The following PTPRD variants were observed in gnomAD, a reference collection of about 807,000 sequenced individuals.
PTPRD encodes the protein receptor-type tyrosine-protein phosphatase delta.
PTPRD carries 34 observed loss-of-function variants against 214.5 expected under a neutral mutation model. The ratio of observed to expected loss-of-function variants is 0.16; its 90% CI spans 0.12 to 0.21. The LOEUF is 0.21. Among genes scored for constraint, PTPRD ranks in the 10% least tolerant of loss-of-function variants. The pLI, the probability that PTPRD is intolerant of heterozygous loss-of-function variation, is 1.00. For synonymous variants in PTPRD, 1,128 were observed against 845.7 expected (o/e 1.33, Z -5.79); for missense variants, 2,545 against 2,398.7 (o/e 1.06, Z -1.27).
chr9:9,308,878 C>A (rs1247188792), intron 9 of PTPRD, among the ~76,000 whole-genome samples: 2 of 151,850 alleles, frequency 1.3e-5, no homozygotes, highest in African/African-American at 2.4e-5. Context: ...CATTAGAGAC[C>A]CAAAATATCA....
intron 9 of PTPRD, among the ~76,000 whole-genome samples, chr9:9,258,295 T>TATTA (rs1232589718): frequency 6.6e-6 from 1 of 151,910 alleles, no homozygotes; most frequent in African/African-American, 2.4e-5. Context: ...GCAACAATAC[T>TATTA]ATTAAATTTG....
chr9:10,246,232 G>A (rs548953342), intron 3 of PTPRD, among the ~76,000 whole-genome samples: 98 of 152,016 alleles, frequency 6.4e-4, no homozygotes, highest in African/African-American at 2.2e-3. Context: ...GTACCAACTC[G>A]ATTGGCTATT....
intron 3 of PTPRD, among the ~76,000 whole-genome samples, chr9:10,239,679 G>A (rs1293038328): frequency 6.8e-6 from 1 of 146,640 alleles, no homozygotes; most frequent in Non-Finnish European, 1.5e-5. Context: ...TGACACTATA[G>A]GAAATATGAT....
chr9:9,966,679 G>C (rs976398914), intron 4 of PTPRD, among the ~76,000 whole-genome samples: 1 of 152,098 alleles, frequency 6.6e-6, no homozygotes, highest in Admixed American at 6.5e-5. Context: ...GGATTTGGGG[G>C]AAAGTCCATC....
At chr9:9,337,456 A>G (rs915891110) in intron 9 of PTPRD, among the ~76,000 whole-genome samples, 3 of 151,892 alleles carry the variant, frequency 2.0e-5, no homozygotes, top group African/African-American at 7.3e-5. Flanking sequence ...TGCCAAGAAC[A>G]CTCCCAGTTA....
intron 2 of PTPRD, among the ~76,000 whole-genome samples, chr9:10,467,158 A>C (rs1588850285): frequency 1.3e-5 from 2 of 152,320 alleles, no homozygotes; most frequent in South Asian, 2.1e-4. Context: ...ATGTTAACAG[A>C]GTACAGTGAG....
chr9:8,517,857 G>C lies in PTPRD; in HGVS notation c.1534C>G (p.Gln512Glu), dbSNP rs746567652. 3 of 1,612,694 alleles carry C rather than the reference G, an allele frequency of 1.9e-6. No homozygotes were observed. In the Admixed American group the frequency reaches 5.0e-5, roughly 27 times the overall value. Residue 512 changes from glutamine (Q) to glutamate (E), a missense_variant, in exon 21 of 46, where the codon CAG (glutamine) becomes GAG (glutamate). Coordinates refer to ENST00000381196, the MANE Select transcript of PTPRD (RefSeq NM_002839.4). ...PLSSDIQVIT[Q>E]TGVPGQPLNF... is the part of the protein sequence containing the mutation. ...CCTCAACCAAACTTACCTCCTGTCT[G>C]AGTGATGACTTGTATGTCACTTGAA...
chr9:8,687,852 G>T (rs2097715994), intron 12 of PTPRD, among the ~76,000 whole-genome samples: 1 of 151,784 alleles, frequency 6.6e-6, no homozygotes, highest in Non-Finnish European at 1.5e-5. Context: ...ATTTGGAGAT[G>T]ATGAGGTTAT....
intron 2 of PTPRD, among the ~76,000 whole-genome samples, chr9:10,467,090 A>G (rs1165095797): frequency 6.6e-6 from 1 of 152,202 alleles, no homozygotes; most frequent in African/African-American, 2.4e-5. Flanking sequence ...CTCAGAAGAC[A>G]TTGCCAGTTG....
intron 3 of PTPRD, among the ~76,000 whole-genome samples, chr9:10,205,823 T>A (rs574976913): frequency 1.3e-5 from 2 of 152,192 alleles, no homozygotes; most frequent in African/African-American, 4.8e-5. Flanking sequence ...AATGTGATAC[T>A]ATAACTTTAA....
At chr9:9,386,490 C>A (rs1236018464) in intron 9 of PTPRD, among the ~76,000 whole-genome samples, 1 of 152,060 alleles carries the variant, frequency 6.6e-6, no homozygotes, top group Non-Finnish European at 1.5e-5. Flanking sequence ...TTCAACAGGG[C>A]AGTGGTGAGA....
intron 5 of PTPRD, among the ~76,000 whole-genome samples, chr9:9,812,730 G>C (rs933918736): frequency 1.3e-5 from 2 of 152,204 alleles, no homozygotes; most frequent in East Asian, 3.9e-4. Context: ...ATATCATCCA[G>C]ACAGAAAATC....
chr9:9,335,494 T>C (rs1192380500), intron 9 of PTPRD, among the ~76,000 whole-genome samples: 1 of 152,106 alleles, frequency 6.6e-6, no homozygotes, highest in African/African-American at 2.4e-5. Context: ...ACTTGTATAT[T>C]AAGACATTAC....
chr9:9,675,709 T>A (rs376297527), intron 7 of PTPRD, among the ~76,000 whole-genome samples: 2 of 151,820 alleles, frequency 1.3e-5, no homozygotes, highest in Non-Finnish European at 2.9e-5. Flanking sequence ...GTAAAGAAAA[T>A]AGGTCCACCA....
intron 8 of PTPRD, among the ~76,000 whole-genome samples, chr9:9,488,748 T>C (rs920350479): frequency 6.6e-6 from 1 of 152,130 alleles, no homozygotes; most frequent in African/African-American, 2.4e-5. Context: ...AGGCTCAGAC[T>C]GGGAATTGCA....
At chr9:8,811,191 T>C (rs2096795011) in intron 11 of PTPRD, among the ~76,000 whole-genome samples, 1 of 152,164 alleles carries the variant, frequency 6.6e-6, no homozygotes. Context: ...GCAGTCTTGA[T>C]CTCACTCATG....
At chr9:8,652,552 G>C (rs2096833810) in intron 12 of PTPRD, among the ~76,000 whole-genome samples, 1 of 152,184 alleles carries the variant, frequency 6.6e-6, no homozygotes, top group African/African-American at 2.4e-5. Flanking sequence ...CACTGACCAG[G>C]TTATGCTGGC....
rs528827051 is a variant in PTPRD, at chr9:9,234,857, T to C, written c.-202-51494A>G. On this transcript the variant is annotated intron_variant, in intron 9 of 45. Transcript: ENST00000381196. The stretch of plus-strand genomic sequence containing the variant: ...CAAGTCTCTAGGAAGTTCCAGACTT[T>C]CCTACATCTTCCTTTCTTCTTCTGA... Among the ~76,000 whole-genome samples the C allele has an allele frequency of 4.6e-5, 7 of 152,336 alleles. No individual in the cohort carries two copies. The South Asian group carries it at 1.4e-3, about 32-fold the overall frequency.
intron 20 of PTPRD, 110 bp from the exon 21 acceptor site, chr9:8,518,539 T>C: frequency 1.3e-6 from 1 of 774,806 alleles, no homozygotes; most frequent in Non-Finnish European, 2.0e-6. Context: ...ACTGAAGATT[T>C]AATTAAATGA....
Sources: allele counts gnomAD v4.1 joint callset (sites outside exome capture counted in the v4.1 genomes callset), GRCh38; gene constraint gnomAD v4.1.1; transcripts MANE v1.5; gene names NCBI Gene and HGNC (gene_info 2026-07-23, HGNC 2026-07-21).